The following PDE7B variants were observed in gnomAD, a reference collection of about 807,000 sequenced individuals.
PDE7B encodes phosphodiesterase 7B.
Under a neutral mutation model 56.2 loss-of-function variants are expected in PDE7B, and 29 were observed. The observed-to-expected ratio is 0.52, with a 90% CI of 0.38 to 0.70. The LOEUF (loss-of-function observed/expected upper bound fraction) is 0.70. Among genes scored for constraint, PDE7B ranks in the 30% least tolerant of loss-of-function variants. The pLI is 0.00. For synonymous variants in PDE7B, 197 were observed against 196.9 expected (o/e 1.00, Z 0.00); for missense variants, 490 against 565.0 (o/e 0.87, Z 1.35).
Position 136,032,593 on chromosome 6 carries a change from C to T in PDE7B, c.83-76138C>T, listed in dbSNP as rs182644137. Among the ~76,000 whole-genome samples the T allele has an allele frequency of 1.5e-4, 23 of 152,252 alleles. 1 individual carries two copies. Among genetic ancestry groups the T allele is most frequent in the Admixed American group, 1.2e-3 (19 of 15,292 alleles). ...CAGTACCCTATATCCAACAGCCCTGCCTTTGATTTCCTTTACTCCTGCATT... is the reference window on the plus strand; with the variant it reads ...CAGTACCCTATATCCAACAGCCCTGTCTTTGATTTCCTTTACTCCTGCATT... On this transcript the variant is annotated intron_variant, in intron 2 of 12. Coordinates refer to ENST00000308191, the MANE Select transcript of PDE7B (RefSeq NM_018945.4).
intron 2 of PDE7B, among the ~76,000 whole-genome samples, chr6:136,062,938 A>G (rs1394817478): frequency 6.6e-6 from 1 of 152,196 alleles, no homozygotes; most frequent in Non-Finnish European, 1.5e-5. Flanking sequence ...AGAGACTGTT[A>G]ACACTGACCC....
intron 8 of PDE7B, among the ~76,000 whole-genome samples, chr6:136,156,770 C>G (rs1778611718): frequency 6.6e-6 from 1 of 152,052 alleles, no homozygotes; most frequent in Non-Finnish European, 1.5e-5. Flanking sequence ...CTTGTCAATA[C>G]TGAAAATAAA....
At chr6:136,108,148 G>GAA (rs1777681268) in intron 2 of PDE7B, among the ~76,000 whole-genome samples, 1 of 131,324 alleles carries the variant, frequency 7.6e-6, no homozygotes, top group Non-Finnish European at 1.7e-5. Context: ...AAAAAAGAAA[G>GAA]AAATATATAT....
chr6:135,968,749 C>G (rs1002971660), intron 2 of PDE7B, among the ~76,000 whole-genome samples: 1 of 152,084 alleles, frequency 6.6e-6, no homozygotes, highest in East Asian at 1.9e-4. Flanking sequence ...AGACCTAGAA[C>G]CAGAAATACC....
At chr6:135,966,596 A>G (rs1359066333) in intron 2 of PDE7B, among the ~76,000 whole-genome samples, 1 of 152,152 alleles carries the variant, frequency 6.6e-6, no homozygotes, top group Non-Finnish European at 1.5e-5. Context: ...AGCCCTGGGC[A>G]TGAGAGATTG....
chr6:136,036,541 TAAAAC>T (rs538680672), intron 2 of PDE7B, among the ~76,000 whole-genome samples: 203 of 152,288 alleles, frequency 1.3e-3, no homozygotes, highest in African/African-American at 4.6e-3. Flanking sequence ...AGAGAAATAA[TAAAAC>T]AACAATAAAA....
At chr6:136,082,887 G>A (rs577650327) in intron 2 of PDE7B, among the ~76,000 whole-genome samples, 5 of 152,260 alleles carry the variant, frequency 3.3e-5, no homozygotes, top group African/African-American at 1.2e-4. Context: ...GATGTGAGAC[G>A]AGAAAAAAAT....
At chr6:136,086,677 C>T (rs960025651) in intron 2 of PDE7B, among the ~76,000 whole-genome samples, 18 of 152,138 alleles carry the variant, frequency 1.2e-4, no homozygotes, top group Admixed American at 7.2e-4. Flanking sequence ...TGACTATGAG[C>T]GTGCATTTTC....
intron 2 of PDE7B, among the ~76,000 whole-genome samples, chr6:136,004,198 T>C (rs1047704741): frequency 5.9e-5 from 9 of 152,208 alleles, no homozygotes; most frequent in Admixed American, 1.3e-4. Flanking sequence ...TGATGGGACA[T>C]ATCTCAAAAT....
intron 2 of PDE7B, among the ~76,000 whole-genome samples, chr6:136,045,197 G>A (rs1470316024): frequency 2.6e-5 from 4 of 151,956 alleles, no homozygotes; most frequent in Non-Finnish European, 5.9e-5. Context: ...CAGAGCTCAC[G>A]GAATTTGTGA....
intron 11 of PDE7B, among the ~76,000 whole-genome samples, chr6:136,186,285 G>T (rs544371262): frequency 3.3e-5 from 5 of 151,824 alleles, no homozygotes; most frequent in African/African-American, 1.2e-4. Flanking sequence ...TACATTAGCC[G>T]GGCATGGTGG....
chr6:136,181,238 G>A lies in PDE7B; in HGVS notation c.960G>A (p.Lys320=). 6.2e-7 allele frequency: 1 copy of A among 1,613,186 alleles called. No homozygotes were observed. Among genetic ancestry groups the A allele is most frequent in the East Asian group, 2.2e-5 (1 of 44,874 alleles). Residue 320 remains lysine, a synonymous_variant, in exon 11 of 13, where the codon AAG becomes AAA. Coordinates refer to ENST00000308191, the MANE Select transcript of PDE7B (RefSeq NM_018945.4). ...CTGTCATTTCTCAGATCGCCTTGAA[G>A]TGTGCTGACATTTGCAATCCTTGTA... ...DRHFMLQIAL[K]CADICNPCRI... is the part of the protein sequence containing the mutation.
chr6:136,020,341 T>G (rs1380855141), intron 2 of PDE7B, among the ~76,000 whole-genome samples: 1 of 152,228 alleles, frequency 6.6e-6, no homozygotes, highest in Non-Finnish European at 1.5e-5. Flanking sequence ...CTGCATAATC[T>G]TATTAAAGCT....
At chr6:136,089,921 C>T (rs1777358104) in intron 2 of PDE7B, among the ~76,000 whole-genome samples, 1 of 152,056 alleles carries the variant, frequency 6.6e-6, no homozygotes, top group Non-Finnish European at 1.5e-5. Flanking sequence ...TAGGAGCTAC[C>T]ATATTCTGCC....
intron 6 of PDE7B, 55 bp from the exon 7 acceptor site, chr6:136,154,020 A>T: frequency 8.7e-7 from 1 of 1,144,962 alleles, no homozygotes; most frequent in Non-Finnish European, 1.3e-6. Context: ...AGTCTAAGCT[A>T]GTATACCACT....
intron 2 of PDE7B, among the ~76,000 whole-genome samples, chr6:136,011,235 T>C (rs1207698165): frequency 6.6e-6 from 1 of 151,970 alleles, no homozygotes; most frequent in Non-Finnish European, 1.5e-5. Context: ...GAGATCAGGG[T>C]ATCAGGGTAT....
intron 12 of PDE7B, among the ~76,000 whole-genome samples, chr6:136,191,409 G>A (rs896164662): frequency 6.6e-6 from 1 of 152,206 alleles, no homozygotes; most frequent in Non-Finnish European, 1.5e-5. Context: ...GCTCAGGCCC[G>A]TAATCCCAGC....
At position 136,149,134 on chromosome 6, in the gene PDE7B, T is replaced by C. The variant is rs1323245928; in HGVS notation, c.366T>C (p.Phe122=). ...TGTGGGATTTTGACATTTTCTTGTT[T>C]GATCGCTTGACAAATGGTAAGTTAC... ...VGMWDFDIFL[F]DRLTNGNSLV... is the part of the protein sequence containing the mutation. The change falls in exon 5 of 13, where the codon TTT becomes TTC. Residue 122 remains phenylalanine, a synonymous_variant. Coordinates refer to ENST00000308191, the MANE Select transcript of PDE7B (RefSeq NM_018945.4). 6.2e-7 allele frequency: 1 copy of C among 1,610,120 alleles called. No homozygotes were observed. The highest frequency in any genetic ancestry group is 8.5e-7 in the Non-Finnish European group (1 of 1,176,374).
At position 135,867,405 on chromosome 6, in the gene PDE7B, A is replaced by G. The variant is rs139785221; in HGVS notation, c.21+15386A>G. On this transcript the variant is annotated intron_variant, in intron 1 of 12. Transcript: ENST00000308191. The stretch of plus-strand genomic sequence containing the variant: ...AACATTAAATTGAAAACATGTTAAT[A>G]CATCGTAAGGTTTAAAAATTTTTTT... Among the ~76,000 whole-genome samples, 56 of 152,312 alleles carry G rather than the reference A, an allele frequency of 3.7e-4. 1 individual carries two copies. The East Asian group carries it at 0.01, about 27-fold the overall frequency.
Sources: gnomAD v4.1 joint callset for allele counts (sites outside exome capture counted in the v4.1 genomes callset) on GRCh38, gnomAD v4.1.1 for gene constraint, MANE v1.5 for transcripts, NCBI Gene and HGNC (gene_info 2026-07-23, HGNC 2026-07-21) for gene names.